The following VWC2 variants were observed in gnomAD, a reference collection of about 807,000 sequenced individuals.
VWC2 encodes the protein brorin.
VWC2 carries 14 observed loss-of-function variants against 29.8 expected under a neutral mutation model. The ratio of observed to expected loss-of-function variants is 0.47; its 90% CI spans 0.31 to 0.74. VWC2 has a LOEUF of 0.74. VWC2 is among the 30% of genes least tolerant of loss of function. The probability of loss-of-function intolerance (pLI) is 0.05; values close to 1 mark genes in which losing one functional copy is unlikely to be tolerated. For synonymous variants in VWC2, 213 were observed against 199.0 expected (o/e 1.07, Z -0.59); for missense variants, 457 against 459.8 (o/e 0.99, Z 0.05).
intron 3 of VWC2, among the ~76,000 whole-genome samples, chr7:49,868,024 G>A (rs1790987100): frequency 6.6e-6 from 1 of 151,916 alleles, no homozygotes; most frequent in Non-Finnish European, 1.5e-5. Flanking sequence ...AGTAGAGATG[G>A]GGTTTCACCA....
At chr7:49,821,623 A>G (rs979334763) in intron 3 of VWC2, among the ~76,000 whole-genome samples, 10 of 152,064 alleles carry the variant, frequency 6.6e-5, no homozygotes, top group African/African-American at 2.4e-4. Context: ...CAATTCCGTA[A>G]TTTTCAAAGT....
At chr7:49,821,331 T>C (rs1408093954) in intron 3 of VWC2, among the ~76,000 whole-genome samples, 2 of 152,206 alleles carry the variant, frequency 1.3e-5, no homozygotes, top group Non-Finnish European at 2.9e-5. Context: ...CAAAAGTTAA[T>C]AGTTACAGTA....
At chr7:49,780,990 C>T (rs1455474941) in intron 2 of VWC2, among the ~76,000 whole-genome samples, 1 of 152,186 alleles carries the variant, frequency 6.6e-6, no homozygotes, top group Non-Finnish European at 1.5e-5. Flanking sequence ...AAAGTGCCAG[C>T]AAAGAGAAAG....
intron 3 of VWC2, among the ~76,000 whole-genome samples, chr7:49,892,043 T>G (rs936232594): frequency 3.2e-5 from 4 of 124,870 alleles, no homozygotes; most frequent in African/African-American, 1.2e-4. Context: ...TTTTTTTTTT[T>G]TTTTTTTTTT....
intron 3 of VWC2, among the ~76,000 whole-genome samples, chr7:49,831,862 G>A (rs187217470): frequency 6.6e-6 from 1 of 152,284 alleles, no homozygotes; most frequent in Admixed American, 6.5e-5. Flanking sequence ...AGCAACTCCA[G>A]AACTTAGGCA....
intron 3 of VWC2, among the ~76,000 whole-genome samples, chr7:49,909,539 A>G (rs1793291765): frequency 6.6e-6 from 1 of 152,122 alleles, no homozygotes; most frequent in Non-Finnish European, 1.5e-5. Context: ...TTTTGGGGCC[A>G]CTGGGTGGGG....
rs1231849524 is a variant in VWC2, at chr7:49,917,990, A to C, written c.*5805A>C. 2.0e-5 allele frequency: 3 copies of C among 152,334 alleles called. No individual in the cohort carries two copies. Among genetic ancestry groups the C allele is most frequent in the Non-Finnish European group, 4.4e-5 (3 of 68,012 alleles). The allele number at this position is 152,334 out of a possible 1,614,324, so 9.4% of individuals were successfully genotyped here. A position where few individuals can be genotyped will look rare whatever the true frequency, so the allele number is the denominator to read the frequency against. On this transcript the variant is annotated 3_prime_UTR_variant, in exon 4 of 4. Transcript: ENST00000340652. ...TGGAAAAAAGTGAAAAGTATCCAGTAAGTAATATACACCTATGAAACTATT... is the reference window on the plus strand; with the variant it reads ...TGGAAAAAAGTGAAAAGTATCCAGTCAGTAATATACACCTATGAAACTATT...
chr7:49,789,616 GC>G (rs1788417903), intron 2 of VWC2, among the ~76,000 whole-genome samples: 2 of 132,896 alleles, frequency 1.5e-5, no homozygotes, highest in African/African-American at 5.8e-5. Flanking sequence ...TAAAAATTAA[GC>G]TCTCTTTTTT....
At position 49,918,877 on chromosome 7, in the gene VWC2, T is replaced by A. The variant is rs887261531; in HGVS notation, c.*6692T>A. ...GAGTTTGAGGCCAACCTGACCAACA[T>A]GTGAAACCCCATCTCTACTAAAAAT... On this transcript the variant is annotated 3_prime_UTR_variant, in exon 4 of 4. Transcript: ENST00000340652. The A allele has an allele frequency of 3.9e-5, 6 of 151,980 alleles. No individual in the cohort carries two copies. The highest frequency in any genetic ancestry group is 8.8e-5 in the Non-Finnish European group (6 of 68,038). The allele number at this position is 151,980 out of a possible 1,614,324, so 9.4% of individuals were successfully genotyped here.
intron 3 of VWC2, among the ~76,000 whole-genome samples, chr7:49,889,296 G>A (rs1232894987): frequency 6.6e-6 from 1 of 152,188 alleles, no homozygotes; most frequent in Non-Finnish European, 1.5e-5. Flanking sequence ...GGCTTCTATT[G>A]TGAAGGTTAA....
intron 3 of VWC2, among the ~76,000 whole-genome samples, chr7:49,881,180 G>A (rs948618501): frequency 6.6e-6 from 1 of 152,086 alleles, no homozygotes; most frequent in East Asian, 1.9e-4. Flanking sequence ...AGGCTCAGGA[G>A]GTGAAGCTGA....
intron 3 of VWC2, among the ~76,000 whole-genome samples, chr7:49,856,142 T>A (rs1790408417): frequency 6.6e-6 from 1 of 152,034 alleles, no homozygotes; most frequent in African/African-American, 2.4e-5. Flanking sequence ...GGTGATAAGG[T>A]TAGGATGTGT....
At chr7:49,782,759 C>G (rs1268763827) in intron 2 of VWC2, among the ~76,000 whole-genome samples, 7 of 151,176 alleles carry the variant, frequency 4.6e-5, no homozygotes, top group Non-Finnish European at 1.5e-5. Flanking sequence ...GAGGCAGAGG[C>G]AGGAGAATGG....
At chr7:49,782,958 C>T (rs1788210223) in intron 2 of VWC2, among the ~76,000 whole-genome samples, 1 of 152,156 alleles carries the variant, frequency 6.6e-6, no homozygotes, top group African/African-American at 2.4e-5. Context: ...ACCTGTAAAG[C>T]TCTGAACAAA....
At chr7:49,796,268 C>A (rs1237679673) in intron 2 of VWC2, among the ~76,000 whole-genome samples, 1 of 152,152 alleles carries the variant, frequency 6.6e-6, no homozygotes, top group Non-Finnish European at 1.5e-5. Flanking sequence ...TCTATGAAAC[C>A]ATTACAATTA....
chr7:49,836,888 A>G (rs570155644), intron 3 of VWC2, among the ~76,000 whole-genome samples: 1 of 152,322 alleles, frequency 6.6e-6, no homozygotes, highest in South Asian at 2.1e-4. Context: ...TCCTCACTTG[A>G]TATGTCACAA....
intron 3 of VWC2, among the ~76,000 whole-genome samples, chr7:49,830,941 C>T (rs1160238574): frequency 6.6e-6 from 1 of 152,084 alleles, no homozygotes; most frequent in East Asian, 1.9e-4. Flanking sequence ...GGGTTGGTTC[C>T]AAGTCTTTGC....
At chr7:49,886,643 T>C (rs965508623) in intron 3 of VWC2, among the ~76,000 whole-genome samples, 2 of 152,178 alleles carry the variant, frequency 1.3e-5, no homozygotes, top group South Asian at 4.1e-4. Flanking sequence ...CATGGGCAGG[T>C]TTGTTATATA....
At chr7:49,831,327 A>T (rs1302502671) in intron 3 of VWC2, among the ~76,000 whole-genome samples, 8 of 152,198 alleles carry the variant, frequency 5.3e-5, no homozygotes, top group Non-Finnish European at 1.2e-4. Flanking sequence ...AGTAATTTGA[A>T]TTTTTTATTT....
Sources: allele counts gnomAD v4.1 joint callset (sites outside exome capture counted in the v4.1 genomes callset), GRCh38; gene constraint gnomAD v4.1.1; transcripts MANE v1.5; gene names NCBI Gene and HGNC (gene_info 2026-07-23, HGNC 2026-07-21).